EPHA5: variants seen among roughly 807,000 people sequenced by gnomAD.
EPHA5 encodes ephrin type-A receptor 5.
In EPHA5, 60 loss-of-function variants were observed where a neutral mutation model predicts 105.0. The observed-to-expected ratio is 0.57, with a 90% CI of 0.46 to 0.71. EPHA5 has a LOEUF of 0.71. Ranked by LOEUF, EPHA5 falls within the 30% of genes least tolerant of loss-of-function variation. The pLI, the probability that EPHA5 is intolerant of heterozygous loss-of-function variation, is 0.00. For synonymous variants in EPHA5, 513 were observed against 449.1 expected, an observed-to-expected ratio of 1.14 and a Z score of -1.80; for missense variants, 1,218 against 1,274.7, an observed-to-expected ratio of 0.96 and a Z score of 0.68.
Position 65,319,751 on chromosome 4 carries a change from G to A in EPHA5, c.*4363C>T, listed in dbSNP as rs1164529581. ...TAGCCTGATGTATATCATAGAATAA[G>A]ATATGCTATATAGCTGCTTCTGACA... On this transcript the variant is annotated 3_prime_UTR_variant, in exon 17 of 17. Coordinates refer to ENST00000613740, the MANE Select transcript of EPHA5 (RefSeq NM_001281766.3). 1 of 227,354 alleles carries A rather than the reference G, an allele frequency of 4.4e-6. No individual in the cohort carries two copies. Among genetic ancestry groups the A allele is most frequent in the Non-Finnish European group, 8.7e-6 (1 of 114,414 alleles). 14.1% of individuals were successfully genotyped at this position (227,354 alleles called of 1,614,324 possible).
At chr4:65,548,003 C>T (rs1454145349) in intron 3 of EPHA5, among the ~76,000 whole-genome samples, 1 of 151,520 alleles carries the variant, frequency 6.6e-6, no homozygotes, top group East Asian at 1.9e-4. Context: ...TACTCCTTTA[C>T]ATCAAATAAT....
rs1735194319 is a variant in EPHA5 at position 65,526,019 on chromosome 4, G to A, written c.911-30476C>T. ...TTCCTTGCTGTCAATTTCATCTTAT[G>A]ATTGAAATAAATCCTATCAGTATTT... On this transcript the variant is annotated intron_variant, in intron 3 of 16. Transcript: ENST00000613740. 2.0e-5 allele frequency among the ~76,000 whole-genome samples: 3 copies of A among 151,714 alleles called. No homozygotes were observed. In the South Asian group the frequency reaches 6.2e-4, roughly 31 times the overall value.
In EPHA5 at chr4:65,638,607, C is replaced by T. The variant is rs539783197; in HGVS notation, c.246+4756G>A. 6.6e-5 allele frequency among the ~76,000 whole-genome samples: 10 copies of T among 152,184 alleles called. No individual in the cohort carries two copies. The East Asian group carries it at 1.5e-3, about 24-fold the overall frequency. ...ATACAAAATTAGCCGGGTGTGGTGG[C>T]ACATGCCTGTAATCCCAGCTACTCG... is the stretch of plus-strand genomic sequence containing the variant. On this transcript the variant is annotated intron_variant, in intron 2 of 16. Transcript: ENST00000613740.
intron 3 of EPHA5, among the ~76,000 whole-genome samples, chr4:65,525,443 T>C (rs1034022596): frequency 6.6e-6 from 1 of 151,796 alleles, no homozygotes; most frequent in East Asian, 1.9e-4. Flanking sequence ...TTTCATACAA[T>C]GTATTTTTTT....
In EPHA5 at chr4:65,319,829, G is replaced by C. The variant is rs1719497232; in HGVS notation, c.*4285C>G. 4.4e-6 allele frequency: 1 copy of C among 229,086 alleles called. No individual in the cohort carries two copies. Among genetic ancestry groups the C allele is most frequent in the Non-Finnish European group, 8.7e-6 (1 of 115,502 alleles). 14.2% of individuals were successfully genotyped at this position (229,086 alleles called of 1,614,324 possible). ...AATACTAACAAATGACTGAGTCTAAGTATTCTCAGGCTCTTATAAATGTAA... is the reference window on the plus strand; with the variant it reads ...AATACTAACAAATGACTGAGTCTAACTATTCTCAGGCTCTTATAAATGTAA... On this transcript the variant is annotated 3_prime_UTR_variant, in exon 17 of 17. Coordinates refer to ENST00000613740, the MANE Select transcript of EPHA5 (RefSeq NM_001281766.3).
At chr4:65,367,244 A>T in intron 9 of EPHA5, 113 bp downstream of exon 9, 1 of 906,078 alleles carries the variant, frequency 1.1e-6, no homozygotes, top group Non-Finnish European at 1.6e-6. Context: ...TTTAAAAAAA[A>T]AAAAAACAAT....
intron 3 of EPHA5, among the ~76,000 whole-genome samples, chr4:65,498,899 T>C (rs1226106008): frequency 2.6e-5 from 4 of 151,688 alleles, no homozygotes; most frequent in African/African-American, 9.7e-5. Flanking sequence ...ATCATGACCC[T>C]AAATTCCAAG....
intron 3 of EPHA5, among the ~76,000 whole-genome samples, chr4:65,504,771 T>G (rs1732838972): frequency 6.6e-6 from 1 of 151,978 alleles, no homozygotes; most frequent in Admixed American, 6.6e-5. Context: ...AAAAGCCACA[T>G]GATTTCAGCC....
intron 3 of EPHA5, among the ~76,000 whole-genome samples, chr4:65,523,561 A>G (rs1298736448): frequency 2.0e-5 from 3 of 152,024 alleles, no homozygotes; most frequent in Non-Finnish European, 2.9e-5. Context: ...TTTATAACCA[A>G]ACATGCAAAG....
chr4:65,365,649 C>CTATATATATATCTA (rs1169781559), intron 10 of EPHA5, among the ~76,000 whole-genome samples: 5 of 64,852 alleles, frequency 7.7e-5, no homozygotes, highest in Non-Finnish European at 1.8e-4. Flanking sequence ...TACAAATTCA[C>CTATATATATATCTA]TATATATATA....
At chr4:65,411,933 A>G (rs146524061) in intron 7 of EPHA5, among the ~76,000 whole-genome samples, 3,000 of 152,304 alleles carry the variant, frequency 0.02, 63 homozygotes, top group South Asian at 0.038. Context: ...ATTTTAAAAT[A>G]ATAAGCAAAA....
At chr4:65,502,785 A>G (rs1222256360) in intron 3 of EPHA5, among the ~76,000 whole-genome samples, 2 of 151,858 alleles carry the variant, frequency 1.3e-5, no homozygotes, top group Non-Finnish European at 2.9e-5. Context: ...ACAAAAAGAT[A>G]TATGTGTTCA....
At chr4:65,655,014 C>A (rs894322076) in intron 1 of EPHA5, among the ~76,000 whole-genome samples, 3 of 150,636 alleles carry the variant, frequency 2.0e-5, no homozygotes, top group Admixed American at 6.6e-5. Context: ...GAATATGCAT[C>A]AAATCATACT....
chr4:65,508,655 A>G (rs1315961336), intron 3 of EPHA5, among the ~76,000 whole-genome samples: 2 of 152,170 alleles, frequency 1.3e-5, no homozygotes, highest in Non-Finnish European at 2.9e-5. Context: ...TCAAGCAACA[A>G]TTACAACAAA....
chr4:65,404,302 C>T, intron 8 of EPHA5, 72 bp downstream of exon 8: 2 of 1,302,978 alleles, frequency 1.5e-6, no homozygotes, highest in East Asian at 2.3e-5. Flanking sequence ...ATGTGCTCAA[C>T]AGCCAAATGG....
intron 3 of EPHA5, among the ~76,000 whole-genome samples, chr4:65,522,073 C>A (rs1450711931): frequency 6.6e-6 from 1 of 151,418 alleles, no homozygotes. Flanking sequence ...GATCTTTAGC[C>A]GACAGAAAAA....
chr4:65,332,078 C>CTG lies in EPHA5; in HGVS notation c.2838_2839dup (p.Arg947ThrfsTer4). ...TGCCTCTAGCCATTCACCTACTGAT[C>CTG]TGTAGGCCCCAGATCCTAGTGGGCT... On this transcript the variant is annotated frameshift_variant, in exon 16 of 17. Coordinates refer to ENST00000613740, the MANE Select transcript of EPHA5 (RefSeq NM_001281766.3). LOFTEE classifies it high-confidence loss of function. The CTG allele has an allele frequency of 6.2e-7, 1 of 1,611,510 alleles. No homozygotes were observed. The highest frequency in any genetic ancestry group is 8.5e-7 in the Non-Finnish European group (1 of 1,178,434).
intron 3 of EPHA5, among the ~76,000 whole-genome samples, chr4:65,552,716 T>C (rs1738037458): frequency 6.6e-6 from 1 of 152,156 alleles, no homozygotes; most frequent in African/African-American, 2.4e-5. Context: ...TTAAAAAATA[T>C]CAATCATGTT....
intron 3 of EPHA5, among the ~76,000 whole-genome samples, chr4:65,499,410 C>T (rs1379036940): frequency 6.6e-6 from 1 of 151,534 alleles, no homozygotes; most frequent in African/African-American, 2.4e-5. Context: ...TCACATGATT[C>T]CAATTTTCCC....
Sources: allele counts gnomAD v4.1 joint callset (sites outside exome capture counted in the v4.1 genomes callset), GRCh38; gene constraint gnomAD v4.1.1; transcripts MANE v1.5; gene names NCBI Gene and HGNC (gene_info 2026-07-23, HGNC 2026-07-21).